Variants in ALG2 observed in about 807,000 individuals in gnomAD.
ALG2 encodes ALG2 alpha-1,3/1,6-mannosyltransferase.
A neutral mutation model predicts 30.5 loss-of-function variants in ALG2; 32 were observed. The observed-to-expected ratio is 1.05, with a 90% CI of 0.79 to 1.41. The LOEUF (loss-of-function observed/expected upper bound fraction) is 1.41. Ranked by LOEUF, ALG2 falls within the 40% of genes most tolerant of loss-of-function variation. ALG2 has a pLI of 0.00. For missense variants in ALG2, 574 were observed against 526.4 expected, an observed-to-expected ratio of 1.09 and a Z score of -0.88; for synonymous variants, 253 against 224.8, an observed-to-expected ratio of 1.13 and a Z score of -1.12.
rs1464458510 is a variant in ALG2 at position 99,217,678 on chromosome 9, T to G, written c.*256A>C. 5.0e-6 allele frequency: 3 copies of G among 605,900 alleles called. No homozygotes were observed. The highest frequency in any genetic ancestry group is 7.2e-5 in the East Asian group (2 of 27,844). The allele number at this position is 605,900 out of a possible 1,614,324, so 37.5% of individuals were successfully genotyped here. ...TCCCGAGAAAATATAATTAAAATACTCTGCTGAACATGGAATGACACCACA... is the reference window on the plus strand; with the variant it reads ...TCCCGAGAAAATATAATTAAAATACGCTGCTGAACATGGAATGACACCACA... On this transcript the variant is annotated 3_prime_UTR_variant, in exon 2 of 2. Coordinates refer to ENST00000476832, the MANE Select transcript of ALG2 (RefSeq NM_033087.4).
At position 99,217,076 on chromosome 9, in the gene ALG2, A is replaced by G; in HGVS notation, c.*858T>C. ...TGGGAGGTGGCCAGAGGGTCAAAGA[A>G]AGCTTTGCAGCAGTGGCATTTGAGC... On this transcript the variant is annotated 3_prime_UTR_variant, in exon 2 of 2. Transcript: ENST00000476832. 1 of 454,136 alleles carries G rather than the reference A, an allele frequency of 2.2e-6. No individual in the cohort carries two copies. The allele number at this position is 454,136 out of a possible 1,614,324, so 28.1% of individuals were successfully genotyped here.
Position 99,217,870 on chromosome 9 carries a change from G to A in ALG2, c.*64C>T, listed in dbSNP as rs781235728. 3.9e-6 allele frequency: 6 copies of A among 1,550,748 alleles called. No individual in the cohort carries two copies. Among genetic ancestry groups the A allele is most frequent in the Non-Finnish European group, 5.3e-6 (6 of 1,124,670 alleles). ...GCATTAGATTCTAGGTTTCTTTTTT[G>A]GTTTCAAAACTGGGTCTACAATCCA... On this transcript the variant is annotated 3_prime_UTR_variant, in exon 2 of 2. Coordinates refer to ENST00000476832, the MANE Select transcript of ALG2 (RefSeq NM_033087.4).
At chr9:99,220,021 T>C (rs1262054289) in intron 1 of ALG2, among the ~76,000 whole-genome samples, 2 of 152,316 alleles carry the variant, frequency 1.3e-5, no homozygotes, top group East Asian at 3.9e-4. Flanking sequence ...AAGTTTAAAA[T>C]GGTTAATATC....
In ALG2 at chr9:99,216,776, A is replaced by G. The variant is rs979581050; in HGVS notation, c.*1158T>C. The stretch of plus-strand genomic sequence containing the variant: ...ATAGTACAATTATCTCACTTTGCAG[A>G]TGAAGAAGCTGAGGTATAGAGATCA... On this transcript the variant is annotated 3_prime_UTR_variant, in exon 2 of 2. Coordinates refer to ENST00000476832, the MANE Select transcript of ALG2 (RefSeq NM_033087.4). 5.9e-5 allele frequency: 27 copies of G among 453,894 alleles called. No individual in the cohort carries two copies. Among genetic ancestry groups the G allele is most frequent in the African/African-American group, 5.4e-4 (27 of 49,988 alleles). 28.1% of individuals were successfully genotyped at this position (453,894 alleles called of 1,614,324 possible).
At chr9:99,218,873 C>A in intron 1 of ALG2, 37 bp from the exon 2 acceptor site, 1 of 1,598,926 alleles carries the variant, frequency 6.3e-7, no homozygotes, top group South Asian at 1.1e-5. Flanking sequence ...ATAAAGTGGT[C>A]AACTCAACTT....
At position 99,221,643 on chromosome 9, in the gene ALG2, G is replaced by C; in HGVS notation, c.252C>G (p.Arg84=). Residue 84 remains arginine (R), a synonymous_variant, in exon 1 of 2, where the codon CGC becomes CGG. Transcript: ENST00000476832. The part of the protein sequence containing the change: ...WLPRGLGWGG[R]GAAVCAYVRM... ...GCACGTAGGCGCAGACGGCGGCGCC[G>C]CGGCCGCCCCAGCCCAGGCCTCGCG... 1 of 1,540,788 alleles carries C rather than the reference G, an allele frequency of 6.5e-7. No individual in the cohort carries two copies. The highest frequency in any genetic ancestry group is 8.7e-7 in the Non-Finnish European group (1 of 1,146,100).
intron 1 of ALG2, chr9:99,220,990 G>A (rs1485210026): frequency 1.5e-6 from 2 of 1,352,482 alleles, no homozygotes; most frequent in Non-Finnish European, 2.0e-6. Context: ...AAGGTAAAAA[G>A]CTTGAACTTT....
intron 1 of ALG2, 92 bp from the exon 2 acceptor site, chr9:99,218,928 G>T: frequency 7.2e-7 from 1 of 1,392,166 alleles, no homozygotes; most frequent in Non-Finnish European, 1.0e-6. Flanking sequence ...TGGCTAGTCT[G>T]TGGGCTCCTC....
chr9:99,219,925 G>T (rs1317185683), intron 1 of ALG2, among the ~76,000 whole-genome samples: 2 of 152,188 alleles, frequency 1.3e-5, no homozygotes, highest in Non-Finnish European at 1.5e-5. Flanking sequence ...TTCCATGCAA[G>T]CAAGGATGAT....
rs763273127 is a variant in ALG2 at position 99,221,699 on chromosome 9, G to A, written c.196C>T (p.Leu66=). Reference sequence around the variant, plus strand: ...CAGTCCCCGGCACAGCGCACCGGTAGCTCGCGGCTCTCGGCGAAACAGTGG... The same window carrying A: ...CAGTCCCCGGCACAGCGCACCGGTAACTCGCGGCTCTCGGCGAAACAGTGG... ...PGHCFAESRE[L]PVRCAGDWLP... The change falls in exon 1 of 2, where the codon CTA becomes TTA. Residue 66 remains leucine, a synonymous_variant. Transcript: ENST00000476832. 3.8e-6 allele frequency: 6 copies of A among 1,585,240 alleles called. No homozygotes were observed. Among genetic ancestry groups the A allele is most frequent in the Non-Finnish European group, 5.1e-6 (6 of 1,172,392 alleles).
In ALG2 at chr9:99,216,729, A is replaced by T. The variant is rs1409795564; in HGVS notation, c.*1205T>A. ...TGTAATATTATCATAATCTGTTATA[A>T]CCGCACTATGAGGAAAGTAGAATAG... On this transcript the variant is annotated 3_prime_UTR_variant, in exon 2 of 2. Coordinates refer to ENST00000476832, the MANE Select transcript of ALG2 (RefSeq NM_033087.4). 2.2e-6 allele frequency: 1 copy of T among 452,468 alleles called. No individual in the cohort carries two copies. The highest frequency in any genetic ancestry group is 6.9e-5 in the East Asian group (1 of 14,392). 28.0% of individuals were successfully genotyped at this position (452,468 alleles called of 1,614,324 possible).
chr9:99,221,274 C>T, intron 1 of ALG2: 3 of 1,040,326 alleles, frequency 2.9e-6, no homozygotes, highest in South Asian at 3.3e-5. Context: ...TCGGAATCAC[C>T]CTATGACCCA....
At position 99,218,604 on chromosome 9, in the gene ALG2, ATG is replaced by A. The variant is rs1377233702; in HGVS notation, c.579_580del (p.Ile194ArgfsTer3). Reference sequence around the variant, plus strand: ...AGATGGATAGAGGACATCAGGGTCTATGTGAGACAGGGACTTGAATGTTTCCT... The same window carrying A: ...AGATGGATAGAGGACATCAGGGTCTATGAGACAGGGACTTGAATGTTTCCT... On this transcript the variant is annotated frameshift_variant, in exon 2 of 2. Coordinates refer to ENST00000476832, the MANE Select transcript of ALG2 (RefSeq NM_033087.4). LOFTEE classifies it high-confidence loss of function. 1 of 1,614,222 alleles carries A rather than the reference ATG, an allele frequency of 6.2e-7. No individual in the cohort carries two copies.
Position 99,221,764 on chromosome 9 carries a change from C to G in ALG2, c.131G>C (p.Gly44Ala). 6.3e-7 allele frequency: 1 copy of G among 1,598,860 alleles called. No homozygotes were observed. Reference protein sequence around the residue: ...LDAALALQARGCSVKIWTAHY... With the variant: ...LDAALALQARACSVKIWTAHY... ...CGCTGTCCAGATCTTCACGCTACACCCGCGCGCCTGCAGCGCCAGCGCCGC... is the reference window on the plus strand; with the variant it reads ...CGCTGTCCAGATCTTCACGCTACACGCGCGCGCCTGCAGCGCCAGCGCCGC... Residue 44 changes from glycine (G) to alanine (A), a missense_variant, in exon 1 of 2, where the codon GGG becomes GCG. Gly to Ala is a moderately conservative substitution (Grantham distance 60, BLOSUM62 0). Coordinates refer to ENST00000476832, the MANE Select transcript of ALG2 (RefSeq NM_033087.4).
rs1452240605 is a variant in ALG2 at position 99,218,564 on chromosome 9, G to C, written c.621C>G (p.Ser207Arg). The change falls in exon 2 of 2, where the codon AGC becomes AGG. Residue 207 changes from serine to arginine, a missense_variant. Physicochemically the swap from Ser to Arg is moderately radical, Grantham distance 110. Transcript: ENST00000476832. ...DVLYPSLNVT[S>R]FDSVVPEKLD... Reference sequence around the variant, plus strand: ...GCTTTTCAGGAACAACTGAGTCAAAGCTGGTGACATTTAGAGATGGATAGA... The same window carrying C: ...GCTTTTCAGGAACAACTGAGTCAAACCTGGTGACATTTAGAGATGGATAGA... 2 of 1,614,086 alleles carry C rather than the reference G, an allele frequency of 1.2e-6. No individual in the cohort carries two copies. The highest frequency in any genetic ancestry group is 2.7e-5 in the African/African-American group (2 of 74,916).
At chr9:99,219,434 A>C (rs1430812181) in intron 1 of ALG2, among the ~76,000 whole-genome samples, 1 of 152,208 alleles carries the variant, frequency 6.6e-6, no homozygotes. Context: ...CAGGGTTTGA[A>C]TCTCAGCTCT....
rs750327319 is a variant in ALG2, at chr9:99,221,091, A to T, written c.348+456T>A. On this transcript the variant is annotated intron_variant, in intron 1 of 1. Coordinates refer to ENST00000476832, the MANE Select transcript of ALG2 (RefSeq NM_033087.4). ...TTTTTAACACATGACACTGCTGAGGACGGTGTGGCCTGGCTCCGAACACAA... is the reference window on the plus strand; with the variant it reads ...TTTTTAACACATGACACTGCTGAGGTCGGTGTGGCCTGGCTCCGAACACAA... The T allele has an allele frequency of 2.2e-6, 3 of 1,361,338 alleles. No individual in the cohort carries two copies. In the Admixed American group the frequency reaches 5.7e-5, roughly 26 times the overall value. The allele number at this position is 1,361,338 out of a possible 1,614,324, so 84.3% of individuals were successfully genotyped here.
rs541388782 is a variant in ALG2 at position 99,216,977 on chromosome 9, A to G, written c.*957T>C. On this transcript the variant is annotated 3_prime_UTR_variant, in exon 2 of 2. Coordinates refer to ENST00000476832, the MANE Select transcript of ALG2 (RefSeq NM_033087.4). ...TAGACCAACAGGTAAACAGTGAACT[A>G]TAAGTCAGTGTCACGAAAATATCAG... The G allele has an allele frequency of 1.4e-4, 64 of 454,040 alleles. No individual in the cohort carries two copies. The highest frequency in any genetic ancestry group is 2.7e-4 in the Non-Finnish European group (62 of 226,808). The allele number at this position is 454,040 out of a possible 1,614,324, so 28.1% of individuals were successfully genotyped here.
In ALG2 at chr9:99,218,001, T is replaced by C. The variant is rs150460989; in HGVS notation, c.1184A>G (p.Lys395Arg). 1.2e-6 allele frequency: 2 copies of C among 1,614,122 alleles called. No individual in the cohort carries two copies. Among genetic ancestry groups the C allele is most frequent in the African/African-American group, 2.7e-5 (2 of 74,944 alleles). ...TMGLAGRARV[K>R]EKFSPEAFTE... ...AAATGCTTCAGGGGAAAATTTTTCC[T>C]TCACTCTGGCTCTTCCAGCCAGGCC... Residue 395 changes from lysine (K) to arginine (R), a missense_variant, in exon 2 of 2, where the codon AAG (lysine) becomes AGG (arginine). Physicochemically the swap from Lys to Arg is conservative, Grantham distance 26 (BLOSUM62 2). Coordinates refer to ENST00000476832, the MANE Select transcript of ALG2 (RefSeq NM_033087.4).
Sources: gnomAD v4.1 joint callset for allele counts (sites outside exome capture counted in the v4.1 genomes callset) on GRCh38, gnomAD v4.1.1 for gene constraint, MANE v1.5 for transcripts, NCBI Gene and HGNC (gene_info 2026-07-23, HGNC 2026-07-21) for gene names.